Variants in MYH14 observed in about 807,000 individuals in gnomAD.
MYH14 encodes the protein myosin heavy chain 14, also known as myosin-14.
In MYH14, 123 loss-of-function variants were observed where a neutral mutation model predicts 255.5. That is an observed-to-expected ratio of 0.48 (90% CI 0.42 to 0.56). The LOEUF (loss-of-function observed/expected upper bound fraction) is 0.56, where lower values mean the gene tolerates loss of function less well. Ranked by LOEUF, MYH14 falls within the 20% of genes least tolerant of loss-of-function variation. The probability of loss-of-function intolerance (pLI) is 0.00; values close to 1 mark genes in which losing one functional copy is unlikely to be tolerated. For synonymous variants in MYH14, 1,095 were observed against 1,161.2 expected, an observed-to-expected ratio of 0.94 and a Z score of 1.16; for missense variants, 2,423 against 2,802.3, an observed-to-expected ratio of 0.86 and a Z score of 3.06.
At chr19:50,270,167 G>T (rs532576721) in intron 24 of MYH14, among the ~76,000 whole-genome samples, 4 of 152,310 alleles carry the variant, frequency 2.6e-5, no homozygotes, top group African/African-American at 9.6e-5. Flanking sequence ...AGGCTGCAGT[G>T]AGCTGTGATG....
In MYH14 at chr19:50,252,509, G is replaced by A. The variant is rs73061168; in HGVS notation, c.1831-130G>A. 0.022 allele frequency: 15,401 copies of A among 694,186 alleles called. 258 individuals are homozygous for A. Among genetic ancestry groups the A allele is most frequent in the Middle Eastern group, 0.034 (140 of 4,156 alleles). The allele number at this position is 694,186 out of a possible 1,614,324, so 43.0% of individuals were successfully genotyped here. ...CAGTTCAGAATATGGACACAAGGTG[G>A]CACCAGTGCTCGCTTGTCCATGGTG... On this transcript the variant is annotated intron_variant, in intron 15 of 42. Coordinates refer to ENST00000642316, the MANE Select transcript of MYH14 (RefSeq NM_001145809.2). This position sits in a 1 kb window ranked among gnomAD's most constrained non-coding sequence, Gnocchi z 4.2.
chr19:50,268,104 T>G lies in MYH14; in HGVS notation c.2827-57T>G. On this transcript the variant is annotated intron_variant, in intron 23 of 42. Coordinates refer to ENST00000642316, the MANE Select transcript of MYH14 (RefSeq NM_001145809.2). ...AAGTTACAAGGCAGTAGGCACCCAG[T>G]GCAGGTTGCCCTGGGAGCACTGCCT... is the stretch of plus-strand genomic sequence containing the variant. The G allele has an allele frequency of 2.6e-6, 4 of 1,514,542 alleles. No individual in the cohort carries two copies. In the South Asian group the frequency reaches 4.9e-5, roughly 19 times the overall value. 93.8% of individuals were successfully genotyped at this position (1,514,542 alleles called of 1,614,324 possible).
rs1258514868 is a variant in MYH14 at position 50,292,257 on chromosome 19, C to T, written c.5128-4C>T. 4 of 1,603,384 alleles carry T rather than the reference C, an allele frequency of 2.5e-6. No individual in the cohort carries two copies. Among genetic ancestry groups the T allele is most frequent in the Non-Finnish European group, 2.6e-6 (3 of 1,175,622 alleles). On this transcript the variant is annotated splice_polypyrimidine_tract_variant and splice_region_variant and intron_variant, in intron 36 of 42. Transcript: ENST00000642316. ...AGCCCATCTACCTATTCCGTTCCAC[C>T]CAGGCCCAGATGAAGGAGCTATGGC...
chr19:50,208,340 G>A lies in MYH14; in HGVS notation c.-3-2023G>A, dbSNP rs560213905. Among the ~76,000 whole-genome samples the A allele has an allele frequency of 2.1e-3, 327 of 152,136 alleles. 1 individual carries two copies. In the Middle Eastern group the frequency reaches 0.037, roughly 17 times the overall value. On this transcript the variant is annotated intron_variant, in intron 1 of 42. Transcript: ENST00000642316. ...TGAGGCAGGAGAATCTCTTGAAACCGGGAGGCAGAGGTTGCAGTGAGCCAA... is the reference window on the plus strand; with the variant it reads ...TGAGGCAGGAGAATCTCTTGAAACCAGGAGGCAGAGGTTGCAGTGAGCCAA...
intron 18 of MYH14, among the ~76,000 whole-genome samples, chr19:50,257,766 TG>T (rs2034645990): frequency 6.6e-6 from 1 of 152,290 alleles, no homozygotes; most frequent in South Asian, 2.1e-4. Flanking sequence ...CACAGTCTGA[TG>T]GGGAGCATAG....
intron 8 of MYH14, among the ~76,000 whole-genome samples, chr19:50,229,565 G>C (rs890702446): frequency 1.2e-4 from 18 of 152,122 alleles, no homozygotes; most frequent in African/African-American, 3.9e-4. Context: ...GCTTGAGCTG[G>C]GGAGGCGGAG....
intron 10 of MYH14, among the ~76,000 whole-genome samples, chr19:50,240,679 G>A (rs977767890): frequency 1.3e-5 from 2 of 152,114 alleles, no homozygotes; most frequent in East Asian, 1.9e-4. Flanking sequence ...GCTCATGCCT[G>A]TAATCCCAAC....
intron 3 of MYH14, among the ~76,000 whole-genome samples, chr19:50,222,814 A>G (rs144842273): frequency 6.6e-5 from 10 of 152,236 alleles, no homozygotes; most frequent in South Asian, 2.1e-4. Context: ...TGAATGAATC[A>G]TATTCTCTTC....
At chr19:50,287,934 G>A (rs1332661690) in intron 34 of MYH14, among the ~76,000 whole-genome samples, 2 of 151,982 alleles carry the variant, frequency 1.3e-5, no homozygotes, top group Non-Finnish European at 2.9e-5. Context: ...CTCCCACTTT[G>A]CCTGCCACCA....
At chr19:50,245,037 C>A (rs2034047781) in intron 11 of MYH14, among the ~76,000 whole-genome samples, 1 of 152,084 alleles carries the variant, frequency 6.6e-6, no homozygotes, top group Non-Finnish European at 1.5e-5. Flanking sequence ...ATATCCCTTA[C>A]TTTAAACCAA....
intron 33 of MYH14, among the ~76,000 whole-genome samples, chr19:50,283,226 T>TC: frequency 6.6e-6 from 1 of 152,270 alleles, no homozygotes; most frequent in Admixed American, 6.5e-5. Flanking sequence ...TTCAAGCGAT[T>TC]CTCGTGCCTC....
intron 35 of MYH14, among the ~76,000 whole-genome samples, chr19:50,290,192 C>T (rs758229933): frequency 7.1e-4 from 108 of 151,902 alleles, no homozygotes; most frequent in Non-Finnish European, 1.3e-3. Context: ...CCAACCCCAG[C>T]CCCTCAGCAC....
chr19:50,247,050 C>T lies in MYH14; in HGVS notation c.1257C>T (p.Phe419=). Residue 419 remains phenylalanine, a synonymous_variant, in exon 12 of 43, where the codon TTC becomes TTT. Transcript: ENST00000642316. The stretch of plus-strand genomic sequence containing the variant: ...TCTTGGGACTGGGGGTGACGGATTT[C>T]TCCCGAGCCTTGCTCACCCCTCGCA... ...CRLLGLGVTD[F]SRALLTPRIK... The T allele has an allele frequency of 6.2e-7, 1 of 1,613,368 alleles. No individual in the cohort carries two copies. The highest frequency in any genetic ancestry group is 8.5e-7 in the Non-Finnish European group (1 of 1,179,712).
rs139086374 is a variant in MYH14, at chr19:50,241,254, A to G, written c.1115-2988A>G. 5.0e-3 allele frequency among the ~76,000 whole-genome samples: 759 copies of G among 152,118 alleles called. 4 individuals are homozygous for G. The highest frequency in any genetic ancestry group is 8.0e-3 in the Non-Finnish European group (541 of 67,980). The stretch of plus-strand genomic sequence containing the variant: ...GATTGAGACCATCCTGGCCAACACG[A>G]TGAAACCCCGTCTCTACTAAAAATA... On this transcript the variant is annotated intron_variant, in intron 10 of 42. Coordinates refer to ENST00000642316, the MANE Select transcript of MYH14 (RefSeq NM_001145809.2).
Position 50,210,544 on chromosome 19 carries a change from C to T in MYH14, c.179C>T (p.Ser60Leu). 2 of 1,581,416 alleles carry T rather than the reference C, an allele frequency of 1.3e-6. No homozygotes were observed. Among genetic ancestry groups the T allele is most frequent in the Non-Finnish European group, 1.7e-6 (2 of 1,165,082 alleles). Residue 60 changes from serine to leucine, a missense_variant, in exon 2 of 43, where the codon TCG becomes TTG. By Grantham distance (145) the Ser-to-Leu change is moderately radical. Transcript: ENST00000642316. ...WTARRLVWVP[S>L]ELHGFEAAAL... ...GCCCGGCGTCTCGTGTGGGTGCCTTCGGAGCTTCACGGGTTCGAGGCGGCG... is the reference window on the plus strand; with the variant it reads ...GCCCGGCGTCTCGTGTGGGTGCCTTTGGAGCTTCACGGGTTCGAGGCGGCG...
intron 33 of MYH14, among the ~76,000 whole-genome samples, chr19:50,282,645 G>T (rs1057169234): frequency 3.3e-5 from 5 of 152,174 alleles, no homozygotes; most frequent in African/African-American, 1.2e-4. Context: ...GGAGGTTGCA[G>T]TGAGCCAAGA....
chr19:50,244,828 C>T (rs987910383), intron 11 of MYH14, among the ~76,000 whole-genome samples: 2 of 152,114 alleles, frequency 1.3e-5, no homozygotes, highest in Admixed American at 1.3e-4. Context: ...ACATCAACCA[C>T]TCTTTTCCTG....
intron 19 of MYH14, among the ~76,000 whole-genome samples, chr19:50,260,358 G>A (rs1332623896): frequency 6.6e-6 from 1 of 152,206 alleles, no homozygotes; most frequent in Non-Finnish European, 1.5e-5. Context: ...CTGGGAGGCG[G>A]AGGTCGCAGT....
At chr19:50,301,954 GT>G in intron 40 of MYH14, 85 bp downstream of exon 40, 2 of 1,119,624 alleles carry the variant, frequency 1.8e-6, no homozygotes, top group Non-Finnish European at 2.6e-6. Context: ...CAAACACGTG[GT>G]TTAGAAACAT....
Sources: gnomAD v4.1 joint callset for allele counts (sites outside exome capture counted in the v4.1 genomes callset) on GRCh38, gnomAD v4.1.1 for gene constraint, Gnocchi (gnomAD v3.1) non-coding constraint, MANE v1.5 for transcripts, NCBI Gene and HGNC (gene_info 2026-07-23, HGNC 2026-07-21) for gene names.